The following ESRRG variants were observed in gnomAD, a reference collection of about 807,000 sequenced individuals.
The protein encoded by ESRRG is estrogen related receptor gamma.
ESRRG carries 13 observed loss-of-function variants against 44.0 expected under a neutral mutation model. The ratio of observed to expected loss-of-function variants is 0.30; its 90% confidence interval spans 0.19 to 0.47. ESRRG has a LOEUF of 0.47. Among genes scored for constraint, ESRRG ranks in the 20% least tolerant of loss-of-function variants. The pLI is 1.00. For synonymous variants in ESRRG, 215 were observed against 214.6 expected, an observed-to-expected ratio of 1.00 and a Z score of -0.02; for missense variants, 395 against 580.6, an observed-to-expected ratio of 0.68 and a Z score of 3.29.
chr1:216,825,929 C>T (rs1038918095), intron 2 of ESRRG, among the ~76,000 whole-genome samples: 5 of 152,112 alleles, frequency 3.3e-5, no homozygotes, highest in African/African-American at 1.2e-4. Context: ...GCAAAAACCT[C>T]CCAACCAATG....
intron 2 of ESRRG, among the ~76,000 whole-genome samples, chr1:216,820,795 G>A (rs922516725): frequency 2.0e-5 from 3 of 152,072 alleles, no homozygotes; most frequent in Admixed American, 1.3e-4. Context: ...ACATATGATG[G>A]GGCAGAGAAA....
intron 2 of ESRRG, among the ~76,000 whole-genome samples, chr1:216,788,692 A>G (rs531344204): frequency 6.6e-6 from 1 of 152,284 alleles, no homozygotes; most frequent in African/African-American, 2.4e-5. Context: ...GCTGCCATAG[A>G]CAGTGGTTCC....
intron 3 of ESRRG, among the ~76,000 whole-genome samples, chr1:216,625,025 T>C (rs909848149): frequency 1.3e-5 from 2 of 152,080 alleles, no homozygotes; most frequent in African/African-American, 4.8e-5. Flanking sequence ...GCTCACCAAA[T>C]ATCTCAATTC....
intron 1 of ESRRG, among the ~76,000 whole-genome samples, chr1:217,031,454 T>C (rs560055447): frequency 1.3e-5 from 2 of 152,352 alleles, no homozygotes; most frequent in African/African-American, 2.4e-5. Context: ...CTAACTAGAG[T>C]AGCAGCAATG....
chr1:216,549,304 CA>C, intron 5 of ESRRG, among the ~76,000 whole-genome samples: 1 of 151,786 alleles, frequency 6.6e-6, no homozygotes, highest in East Asian at 1.9e-4. Flanking sequence ...CTTTTTATAT[CA>C]GAACTCAAAA....
chr1:216,761,767 A>T (rs1291967175), intron 2 of ESRRG, among the ~76,000 whole-genome samples: 1 of 152,124 alleles, frequency 6.6e-6, no homozygotes, highest in Non-Finnish European at 1.5e-5. Flanking sequence ...TAATGGGAAA[A>T]TTGATATGGC....
intron 2 of ESRRG, among the ~76,000 whole-genome samples, chr1:216,872,681 G>A (rs2096274995): frequency 6.6e-6 from 1 of 151,906 alleles, no homozygotes; most frequent in African/African-American, 2.4e-5. Flanking sequence ...ATTTCCTATT[G>A]CTGAGGTTTT....
chr1:216,698,791 T>G (rs2080800788), intron 1 of ESRRG, among the ~76,000 whole-genome samples: 1 of 152,168 alleles, frequency 6.6e-6, no homozygotes, highest in Non-Finnish European at 1.5e-5. Context: ...ATCGAAGAGA[T>G]GCCTCTCTCC....
chr1:216,850,821 T>C (rs1001441276), intron 2 of ESRRG, among the ~76,000 whole-genome samples: 2 of 151,922 alleles, frequency 1.3e-5, no homozygotes, highest in Admixed American at 1.3e-4. Flanking sequence ...TGATGAATCA[T>C]TTACCAAGAA....
At chr1:216,583,010 G>A (rs1310566468) in intron 3 of ESRRG, among the ~76,000 whole-genome samples, 2 of 151,656 alleles carry the variant, frequency 1.3e-5, no homozygotes, top group African/African-American at 4.8e-5. Context: ...AAGGGGGAAG[G>A]GAAGGAAATT....
At chr1:216,723,210 A>G (rs778008238) in intron 1 of ESRRG, 34 bp downstream of exon 1, 2 of 1,346,952 alleles carry the variant, frequency 1.5e-6, no homozygotes, top group Admixed American at 1.8e-5. Context: ...CACCCCCACG[A>G]CGAGTTTAAA....
rs1559602591 is a variant in ESRRG, at chr1:216,779,207, ATAAATATATATTTATATT to A, written c.-13-101734_-13-101717del. 2.5e-4 allele frequency among the ~76,000 whole-genome samples: 17 copies of A among 67,418 alleles called. 1 individual carries two copies. The highest frequency in any genetic ancestry group is 1.0e-3 in the East Asian group (2 of 1,962). The allele number at this position is 67,418 out of a possible 152,430, so 44.2% of individuals were successfully genotyped here. A position where few individuals can be genotyped will look rare whatever the true frequency, so the allele number is the denominator to read the frequency against. On this transcript the variant is annotated intron_variant, in intron 2 of 7. Coordinates refer to the ESRRG transcript ENST00000359162. ...TAAATATATATTTATATTTATAAAT[ATAAATATATATTTATATT>A]TATAAATATAAATATATATTTATAT...
chr1:216,815,666 C>A (rs2095112495), intron 2 of ESRRG, among the ~76,000 whole-genome samples: 2 of 152,150 alleles, frequency 1.3e-5, no homozygotes, highest in South Asian at 4.1e-4. Flanking sequence ...CAACTGAACC[C>A]GAGACATTTG....
intron 5 of ESRRG, among the ~76,000 whole-genome samples, chr1:216,537,751 G>A (rs1293785712): frequency 6.6e-6 from 1 of 152,048 alleles, no homozygotes; most frequent in East Asian, 1.9e-4. Context: ...ACCTTATGGA[G>A]AACACATTAT....
intron 2 of ESRRG, among the ~76,000 whole-genome samples, chr1:216,779,244 T>TTTATATTTATAAACA (rs2093759642): frequency 3.1e-5 from 2 of 64,010 alleles, no homozygotes; most frequent in African/African-American, 2.2e-4. Flanking sequence ...TAAATATATA[T>TTTATATTTATAAACA]TTATATTTAT....
intron 1 of ESRRG, chr1:216,707,261 TA>T: frequency 5.1e-6 from 7 of 1,362,648 alleles, no homozygotes; most frequent in Non-Finnish European, 6.0e-6. Context: ...TTAATCAGTC[TA>T]AAAAAATCAA....
intron 1 of ESRRG, among the ~76,000 whole-genome samples, chr1:217,128,603 T>A (rs941982739): frequency 6.6e-6 from 1 of 152,154 alleles, no homozygotes; most frequent in African/African-American, 2.4e-5. Flanking sequence ...TAAAAAAAAA[T>A]AACTACTGTC....
chr1:216,669,403 T>C (rs1323942395), intron 2 of ESRRG, among the ~76,000 whole-genome samples: 4 of 152,144 alleles, frequency 2.6e-5, no homozygotes, highest in African/African-American at 9.7e-5. Context: ...ATAGTACTTC[T>C]TCACCAAAAA....
At chr1:216,643,227 C>T (rs1370881438) in intron 3 of ESRRG, among the ~76,000 whole-genome samples, 2 of 152,146 alleles carry the variant, frequency 1.3e-5, no homozygotes, top group Admixed American at 1.3e-4. Flanking sequence ...ATAATCTGTG[C>T]TCTCTCATAT....
Sources: allele counts gnomAD v4.1 joint callset (sites outside exome capture counted in the v4.1 genomes callset), GRCh38; gene constraint gnomAD v4.1.1; transcripts MANE v1.5; gene names NCBI Gene and HGNC (gene_info 2026-07-23, HGNC 2026-07-21).